The following THSD4 variants were observed in gnomAD, a reference collection of about 807,000 sequenced individuals.
THSD4 encodes thrombospondin type-1 domain-containing protein 4.
Under a neutral mutation model 119.0 loss-of-function variants are expected in THSD4, and 69 were observed. The observed-to-expected ratio is 0.58, with a 90% CI of 0.48 to 0.71. THSD4 has a LOEUF of 0.71. Ranked by LOEUF, THSD4 falls within the 30% of genes least tolerant of loss-of-function variation. THSD4 has a pLI of 0.00. For missense variants in THSD4, 1,393 were observed against 1,391.1 expected (o/e 1.00, Z -0.02); for synonymous variants, 524 against 540.4 (o/e 0.97, Z 0.42).
rs34585775 is a variant in THSD4 at position 71,511,463 on chromosome 15, T to C, written c.1152+99640T>C. 7.2e-3 allele frequency among the ~76,000 whole-genome samples: 1,090 copies of C among 152,322 alleles called. 53 individuals carry two copies. The East Asian group carries it at 0.12, about 17-fold the overall frequency. On this transcript the variant is annotated intron_variant, in intron 7 of 17. Coordinates refer to ENST00000261862, the MANE Select transcript of THSD4 (RefSeq NM_024817.3). ...CACAGATTTTTGTTGTTGTTTTTCC[T>C]TCCTCCCAGGAAAAAGGAAAAAGAT...
chr15:71,260,697 G>T (rs1220255759), intron 6 of THSD4, among the ~76,000 whole-genome samples: 1 of 152,126 alleles, frequency 6.6e-6, no homozygotes, highest in Non-Finnish European at 1.5e-5. Context: ...GTTTACTTCT[G>T]TCTCGGGCAG....
At chr15:71,163,579 A>T (rs1447881256) in intron 3 of THSD4, among the ~76,000 whole-genome samples, 1 of 152,116 alleles carries the variant, frequency 6.6e-6, no homozygotes, top group African/African-American at 2.4e-5. Flanking sequence ...TCATACTGAG[A>T]TGCAAAGTTT....
intron 7 of THSD4, among the ~76,000 whole-genome samples, chr15:71,415,759 C>T (rs1333126684): frequency 2.0e-5 from 3 of 152,094 alleles, no homozygotes; most frequent in Non-Finnish European, 2.9e-5. Flanking sequence ...TAATTTTTGG[C>T]TTCCACAAAT....
chr15:71,142,075 A>G (rs1567136643), intron 2 of THSD4, among the ~76,000 whole-genome samples: 1 of 151,926 alleles, frequency 6.6e-6, no homozygotes, highest in Non-Finnish European at 1.5e-5. Context: ...TGCATAATAC[A>G]ATTTTCTAAA....
intron 7 of THSD4, among the ~76,000 whole-genome samples, chr15:71,453,182 A>G (rs1217154432): frequency 1.3e-5 from 2 of 152,132 alleles, no homozygotes; most frequent in African/African-American, 4.8e-5. Flanking sequence ...CACCCAATCT[A>G]TGGTATTCTT....
intron 7 of THSD4, among the ~76,000 whole-genome samples, chr15:71,458,320 C>A (rs1473098311): frequency 2.6e-5 from 4 of 152,068 alleles, no homozygotes; most frequent in African/African-American, 9.7e-5. Flanking sequence ...GTGGAAAGAG[C>A]CTGGGATTTG....
intron 7 of THSD4, among the ~76,000 whole-genome samples, chr15:71,531,160 G>T (rs2048604480): frequency 6.6e-6 from 1 of 152,156 alleles, no homozygotes; most frequent in Non-Finnish European, 1.5e-5. Context: ...TAAGGAAGGG[G>T]CTGGGGAGTG....
intron 8 of THSD4, among the ~76,000 whole-genome samples, chr15:71,715,429 T>C (rs569253395): frequency 6.6e-6 from 1 of 152,336 alleles, no homozygotes; most frequent in East Asian, 1.9e-4. Flanking sequence ...AAATTTCCTA[T>C]GTTTAGTCCT....
At chr15:71,446,517 AT>A (rs1196290724) in intron 7 of THSD4, among the ~76,000 whole-genome samples, 1 of 151,994 alleles carries the variant, frequency 6.6e-6, no homozygotes, top group African/African-American at 2.4e-5. Flanking sequence ...ATCTTTTGTC[AT>A]TTTTCTCAGT....
intron 14 of THSD4, among the ~76,000 whole-genome samples, chr15:71,752,736 A>C (rs2053470099): frequency 6.6e-6 from 1 of 152,206 alleles, no homozygotes. Context: ...GCTATGACCT[A>C]GATGAGGTTG....
chr15:71,584,566 G>A (rs765887836), intron 7 of THSD4, among the ~76,000 whole-genome samples: 4 of 152,000 alleles, frequency 2.6e-5, no homozygotes, highest in Non-Finnish European at 5.9e-5. Flanking sequence ...ACCATGCCCA[G>A]CCTTGACTTT....
At chr15:71,206,237 C>T (rs1165931007) in intron 3 of THSD4, among the ~76,000 whole-genome samples, 1 of 152,138 alleles carries the variant, frequency 6.6e-6, no homozygotes, top group South Asian at 2.1e-4. Flanking sequence ...GTCTTGAACT[C>T]CCAACCTCAG....
At chr15:71,555,953 A>G (rs954991289) in intron 7 of THSD4, among the ~76,000 whole-genome samples, 1 of 152,090 alleles carries the variant, frequency 6.6e-6, no homozygotes, top group Non-Finnish European at 1.5e-5. Flanking sequence ...TTTCAGTACC[A>G]AGTTTCCATA....
At chr15:71,111,274 C>T, upstream of THSD4, 1 of 1,613,972 alleles carries the variant, frequency 6.2e-7, no homozygotes, top group Non-Finnish European at 8.5e-7. Context: ...CATGGGAATC[C>T]TTGACATTCC....
intron 2 of THSD4, among the ~76,000 whole-genome samples, chr15:71,153,592 G>A (rs1395938143): frequency 6.6e-6 from 1 of 152,164 alleles, no homozygotes; most frequent in Non-Finnish European, 1.5e-5. Context: ...AGGAGCTGGG[G>A]TGGAATTTTG....
At chr15:71,529,106 G>A (rs1418361612) in intron 7 of THSD4, among the ~76,000 whole-genome samples, 1 of 152,180 alleles carries the variant, frequency 6.6e-6, no homozygotes, top group Non-Finnish European at 1.5e-5. Context: ...TCTGCCAGGT[G>A]GATATCAGTG....
At chr15:71,122,495 C>G (rs2040416885) in intron 1 of THSD4, among the ~76,000 whole-genome samples, 1 of 152,190 alleles carries the variant, frequency 6.6e-6, no homozygotes, top group Non-Finnish European at 1.5e-5. Context: ...TGCTCTCAGC[C>G]TCTTACAGGA....
At chr15:71,099,492 G>T (rs1313035410) in intron 1 of THSD4, among the ~76,000 whole-genome samples, 1 of 152,116 alleles carries the variant, frequency 6.6e-6, no homozygotes, top group Admixed American at 6.6e-5. Flanking sequence ...TTTTCACAGT[G>T]AATTGGCTCT....
At chr15:71,220,053 A>G (rs773492973) in intron 4 of THSD4, among the ~76,000 whole-genome samples, 1 of 152,022 alleles carries the variant, frequency 6.6e-6, no homozygotes, top group African/African-American at 2.4e-5. Context: ...AACCAGGGTA[A>G]TCTTCTTTGC....
Sources: gnomAD v4.1 joint callset for allele counts (sites outside exome capture counted in the v4.1 genomes callset) on GRCh38, gnomAD v4.1.1 for gene constraint, MANE v1.5 for transcripts, NCBI Gene and HGNC (gene_info 2026-07-23, HGNC 2026-07-21) for gene names.